DNAAF9: variants seen among roughly 807,000 people sequenced by gnomAD.
DNAAF9 encodes the protein shulin.
DNAAF9 carries 90 observed loss-of-function variants against 167.0 expected under a neutral mutation model. The ratio of observed to expected loss-of-function variants is 0.54; its 90% CI spans 0.45 to 0.64. The LOEUF (loss-of-function observed/expected upper bound fraction) is 0.64. Among genes scored for constraint, DNAAF9 ranks in the 30% least tolerant of loss-of-function variants. DNAAF9 has a pLI of 0.00. For missense variants in DNAAF9, 1,315 were observed against 1,442.2 expected (o/e 0.91, Z 1.43); for synonymous variants, 491 against 508.8 (o/e 0.96, Z 0.47).
intron 25 of DNAAF9, among the ~76,000 whole-genome samples, chr20:3,290,512 T>C (rs1451733825): frequency 6.6e-6 from 1 of 152,222 alleles, no homozygotes; most frequent in Non-Finnish European, 1.5e-5. Context: ...AATTAGAGCA[T>C]ATTGTGAATA....
chr20:3,256,357 G>T, intron 33 of DNAAF9, 146 bp from the exon 34 acceptor site: 1 of 659,194 alleles, frequency 1.5e-6, no homozygotes, highest in Non-Finnish European at 2.7e-6. Context: ...GCTTAGAAAG[G>T]ATGGAGTAGG....
At chr20:3,307,931 T>A (rs1459839860) in intron 20 of DNAAF9, among the ~76,000 whole-genome samples, 2 of 147,720 alleles carry the variant, frequency 1.4e-5, no homozygotes, top group African/African-American at 5.0e-5. Flanking sequence ...TTTCATCCTG[T>A]GTCTATAAAT....
rs140305967 is a variant in DNAAF9, at chr20:3,256,110, C to T, written c.3157G>A (p.Val1053Ile). 2,802 of 1,614,148 alleles carry T rather than the reference C, an allele frequency of 1.7e-3. 1 individual carries two copies. Among genetic ancestry groups the T allele is most frequent in the Non-Finnish European group, 2.2e-3 (2,592 of 1,179,984 alleles). ...GPTPPPDSKS[V>I]SQDSSGQQEC... The stretch of plus-strand genomic sequence containing the variant: ...TGCTGCCCGCTGCTGTCTTGAGATA[C>T]GCTTTTGGAGTCTGGTGGTGGTGTG... Residue 1053 changes from valine (V) to isoleucine (I), a missense_variant, in exon 34 of 37, where the codon GTA (valine) becomes ATA (isoleucine). Transcript: ENST00000252032.
At chr20:3,325,981 A>C (rs2069703553) in intron 13 of DNAAF9, among the ~76,000 whole-genome samples, 1 of 152,276 alleles carries the variant, frequency 6.6e-6, no homozygotes, top group Middle Eastern at 3.4e-3. Context: ...GATGTCTACA[A>C]AGAAGCACCG....
chr20:3,325,709 G>A (rs2069698380), intron 13 of DNAAF9, among the ~76,000 whole-genome samples: 1 of 152,114 alleles, frequency 6.6e-6, no homozygotes, highest in African/African-American at 2.4e-5. Flanking sequence ...CAGGTTAACC[G>A]CAAAACAGCA....
intron 17 of DNAAF9, among the ~76,000 whole-genome samples, 184 bp downstream of exon 17, chr20:3,318,105 T>C (rs1568601041): frequency 2.1e-5 from 2 of 93,638 alleles, no homozygotes; most frequent in African/African-American, 7.2e-5. Flanking sequence ...AATGTTTCTC[T>C]TTTTTTTTTT....
At position 3,355,201 on chromosome 20, in the gene DNAAF9, C is replaced by T. The variant is rs573663233; in HGVS notation, c.690+4315G>A. Among the ~76,000 whole-genome samples the T allele has an allele frequency of 1.4e-3, 212 of 152,232 alleles. 1 individual carries two copies. Among genetic ancestry groups the T allele is most frequent in the Non-Finnish European group, 2.4e-3 (165 of 68,020 alleles). On this transcript the variant is annotated intron_variant, in intron 7 of 36. Transcript: ENST00000252032. ...TTTCACTTTTTTTCATAATTAGGTTCGCCAGGGGATGATGATGTTTTTTCA... is the reference window on the plus strand; with the variant it reads ...TTTCACTTTTTTTCATAATTAGGTTTGCCAGGGGATGATGATGTTTTTTCA...
chr20:3,300,322 T>G lies in DNAAF9; in HGVS notation c.1783-2147A>C, dbSNP rs1258906083. ...GTCTTCTGAGTCACGAACATGGATGTTTTTCCTTCATTTAGGTTGTCTTTA... is the reference window on the plus strand; with the variant it reads ...GTCTTCTGAGTCACGAACATGGATGGTTTTCCTTCATTTAGGTTGTCTTTA... On this transcript the variant is annotated intron_variant, in intron 21 of 36. Coordinates refer to ENST00000252032, the MANE Select transcript of DNAAF9 (RefSeq NM_001009984.3). Among the ~76,000 whole-genome samples the G allele has an allele frequency of 3.9e-5, 6 of 152,078 alleles. No individual in the cohort carries two copies. In the East Asian group the frequency reaches 1.2e-3, roughly 29 times the overall value.
intron 30 of DNAAF9, among the ~76,000 whole-genome samples, chr20:3,269,164 C>A (rs1350898977): frequency 2.0e-5 from 3 of 151,348 alleles, no homozygotes; most frequent in Non-Finnish European, 4.4e-5. Context: ...GCCTTGGCCT[C>A]CCAAAGTGTT....
rs1186364186 is a variant in DNAAF9 at position 3,252,627 on chromosome 20, T to G, written c.3479A>C (p.Tyr1160Ser). ...CTCCTGCTGTTCCAGCTCCTGGTTA[T>G]ACTTCTCAATTTCCCGGTTGGCTTC... Reference protein sequence around the residue: ...VEEANREIEKYNQELEQQEYH... With the variant: ...VEEANREIEKSNQELEQQEYH... The change falls in exon 37 of 37, where the codon TAT becomes TCT. Residue 1160 changes from tyrosine to serine, a missense_variant. Tyr to Ser is a moderately radical substitution (Grantham distance 144). This residue lies in a region of DNAAF9 where 334 missense variants were observed against 429.7 expected (regional missense o/e 0.78). Coordinates refer to ENST00000252032, the MANE Select transcript of DNAAF9 (RefSeq NM_001009984.3). 1 of 1,613,290 alleles carries G rather than the reference T, an allele frequency of 6.2e-7. No individual in the cohort carries two copies. Among genetic ancestry groups the G allele is most frequent in the Non-Finnish European group, 8.5e-7 (1 of 1,179,298 alleles).
At chr20:3,280,118 A>G (rs1448637963) in intron 28 of DNAAF9, among the ~76,000 whole-genome samples, 1 of 152,160 alleles carries the variant, frequency 6.6e-6, no homozygotes, top group African/African-American at 2.4e-5. Context: ...AAGAATTCCA[A>G]GGAGGAAAAC....
At chr20:3,261,630 T>C (rs1024229508) in intron 31 of DNAAF9, among the ~76,000 whole-genome samples, 1 of 152,006 alleles carries the variant, frequency 6.6e-6, no homozygotes, top group Non-Finnish European at 1.5e-5. Context: ...CCTCCCAAAG[T>C]GCTGGGATTA....
At position 3,298,153 on chromosome 20, in the gene DNAAF9, G is replaced by T; in HGVS notation, c.1805C>A (p.Ala602Asp). The change falls in exon 22 of 37, where the codon GCT becomes GAT. Residue 602 changes from alanine (A) to aspartate (D), a missense_variant. Physicochemically the swap from Ala to Asp is moderately radical, Grantham distance 126 (BLOSUM62 -2). Coordinates refer to ENST00000252032, the MANE Select transcript of DNAAF9 (RefSeq NM_001009984.3). ...YDGDSTSTVA[A>D]LLIDFKSSLL... ...TGAGCTTTTGAAGTCTATGAGAAGA[G>T]CAGCAACAGTACTGGTGGAATCCTA... The T allele has an allele frequency of 6.2e-7, 1 of 1,613,880 alleles. No individual in the cohort carries two copies. The highest frequency in any genetic ancestry group is 1.1e-5 in the South Asian group (1 of 91,070).
At chr20:3,260,636 CTCTTT>C (rs940133140) in intron 31 of DNAAF9, among the ~76,000 whole-genome samples, 2 of 151,982 alleles carry the variant, frequency 1.3e-5, no homozygotes, top group Non-Finnish European at 2.9e-5. Context: ...CCATTTCTCT[CTCTTT>C]TTTTTTGAGA....
At chr20:3,344,560 C>T (rs2070152970) in intron 8 of DNAAF9, among the ~76,000 whole-genome samples, 3 of 149,260 alleles carry the variant, frequency 2.0e-5, no homozygotes, top group Admixed American at 6.7e-5. Flanking sequence ...GTTATTAATT[C>T]TTCAATATAA....
intron 1 of DNAAF9, among the ~76,000 whole-genome samples, chr20:3,387,817 G>GA (rs1365225450): frequency 1.3e-5 from 2 of 148,604 alleles, no homozygotes; most frequent in Admixed American, 1.4e-4. Context: ...CAAGGTGGGG[G>GA]ATCTCTTGAG....
At chr20:3,274,551 T>A (rs549155601) in intron 29 of DNAAF9, among the ~76,000 whole-genome samples, 1 of 152,338 alleles carries the variant, frequency 6.6e-6, no homozygotes, top group African/African-American at 2.4e-5. Flanking sequence ...GTTCCGCTAA[T>A]TACTAATGGG....
intron 12 of DNAAF9, among the ~76,000 whole-genome samples, chr20:3,328,003 G>A (rs55750620): frequency 0.042 from 6,363 of 152,236 alleles, 189 homozygotes; most frequent in Middle Eastern, 0.071. Context: ...ATTTAAAGAT[G>A]CCAAACCCAA....
At chr20:3,296,152 C>CTCTG in intron 23 of DNAAF9, 1 of 609,672 alleles carries the variant, frequency 1.6e-6, no homozygotes, top group Non-Finnish European at 3.2e-6. Context: ...GTTCTGCAAC[C>CTCTG]TCTGTAGTCC....
Sources: gnomAD v4.1 joint callset for allele counts (sites outside exome capture counted in the v4.1 genomes callset) on GRCh38, gnomAD v4.1.1 for gene constraint, gnomAD v4.1.1 regional missense constraint, MANE v1.5 for transcripts, NCBI Gene and HGNC (gene_info 2026-07-23, HGNC 2026-07-21) for gene names.